Variants in FRMD4A observed in about 807,000 individuals in gnomAD.
The protein encoded by FRMD4A is FERM domain containing 4A.
In FRMD4A, 29 loss-of-function variants were observed where a neutral mutation model predicts 129.1. That is an observed-to-expected ratio of 0.22 (90% CI 0.17 to 0.31). The LOEUF (loss-of-function observed/expected upper bound fraction) is 0.31, where lower values mean the gene tolerates loss of function less well. Among genes scored for constraint, FRMD4A ranks in the 10% least tolerant of loss-of-function variants. The probability of loss-of-function intolerance (pLI) is 1.00; values close to 1 mark genes in which losing one functional copy is unlikely to be tolerated. For missense variants in FRMD4A, 1,272 were observed against 1,375.8 expected (o/e 0.92, Z 1.19); for synonymous variants, 634 against 571.6 (o/e 1.11, Z -1.56).
chr10:13,809,171 C>T (rs551922887), intron 4 of FRMD4A, among the ~76,000 whole-genome samples: 6 of 152,252 alleles, frequency 3.9e-5, no homozygotes, highest in Admixed American at 6.5e-5. Context: ...TACCTAGGTC[C>T]GATTCCTGCC....
intron 14 of FRMD4A, among the ~76,000 whole-genome samples, chr10:13,695,191 A>G (rs2086099955): frequency 6.6e-6 from 1 of 151,730 alleles, no homozygotes; most frequent in African/African-American, 2.4e-5. Context: ...CCCAGGCTGG[A>G]GTGCAGTGGC....
chr10:14,172,646 A>G (rs899931587), intron 2 of FRMD4A, among the ~76,000 whole-genome samples: 1 of 152,200 alleles, frequency 6.6e-6, no homozygotes, highest in Non-Finnish European at 1.5e-5. Flanking sequence ...CCATTCCCCA[A>G]AGCATTCAAA....
chr10:13,899,276 G>A (rs922722888), intron 2 of FRMD4A, among the ~76,000 whole-genome samples: 1 of 152,208 alleles, frequency 6.6e-6, no homozygotes, highest in East Asian at 1.9e-4. Flanking sequence ...AACTAACATT[G>A]TGGTGAGTAT....
chr10:13,826,244 G>C (rs1169007320), intron 3 of FRMD4A, among the ~76,000 whole-genome samples: 7 of 152,168 alleles, frequency 4.6e-5, no homozygotes, highest in South Asian at 2.1e-4. Context: ...GACCTTCTCT[G>C]ATCAGAATCT....
chr10:13,740,569 C>G lies in FRMD4A; in HGVS notation c.557G>C (p.Arg186Thr). 1.9e-6 allele frequency: 3 copies of G among 1,548,690 alleles called. No individual in the cohort carries two copies. The highest frequency in any genetic ancestry group is 2.7e-6 in the Non-Finnish European group (3 of 1,127,306). ...CAGTTTCTTGTAGTGCTCAATGACT[C>G]TGTCTTCACTGTAATTAGAAGAAAA... Reference protein sequence around the residue: ...EHPSLAYCEDRVIEHYKKLNG... With the variant: ...EHPSLAYCEDTVIEHYKKLNG... Residue 186 changes from arginine to threonine, a missense_variant, in exon 10 of 25, where the codon AGA becomes ACA. By Grantham distance (71) the Arg-to-Thr change is moderately conservative (BLOSUM62 -1). This residue lies in a region of FRMD4A where 300 missense variants were observed against 483.6 expected (regional missense o/e 0.62). Transcript: ENST00000357447.
chr10:13,670,577 G>A (rs370013067), intron 16 of FRMD4A, 49 bp from the exon 17 acceptor site: 29 of 1,598,914 alleles, frequency 1.8e-5, no homozygotes, highest in Middle Eastern at 3.3e-4. Context: ...AGAGTGGGGC[G>A]TGTCTGCTTC....
chr10:14,037,075 T>A (rs11819482), intron 2 of FRMD4A, among the ~76,000 whole-genome samples: 31,152 of 152,224 alleles, frequency 0.2, 3,697 homozygotes, highest in East Asian at 0.42. Flanking sequence ...TGGCAACCAC[T>A]TTTACATGCT....
chr10:14,009,457 C>T (rs2457837), intron 2 of FRMD4A, among the ~76,000 whole-genome samples: 57,031 of 152,038 alleles, frequency 0.38, 13,897 homozygotes, highest in African/African-American at 0.69. Flanking sequence ...GCTCTGGGCA[C>T]CAGCTTTGAG....
Position 14,225,472 on chromosome 10 carries a change from G to A in FRMD4A, c.45+104586C>T, listed in dbSNP as rs186964109. Among the ~76,000 whole-genome samples the A allele has an allele frequency of 2.6e-4, 39 of 152,294 alleles. No homozygotes were observed. The East Asian group carries it at 5.4e-3, about 21-fold the overall frequency. On this transcript the variant is annotated intron_variant, in intron 2 of 24. Coordinates refer to ENST00000357447, the MANE Select transcript of FRMD4A (RefSeq NM_018027.5). ...ACCGTGCCTTCATTTGCATGAAGTG[G>A]GTCATCTATGGAAACACAGTGAAAA...
chr10:13,857,624 C>A (rs114004332), intron 3 of FRMD4A, among the ~76,000 whole-genome samples: 2 of 152,118 alleles, frequency 1.3e-5, no homozygotes, highest in African/African-American at 4.8e-5. Context: ...CAACGCAAGA[C>A]GAAAGTGTCT....
At chr10:13,717,632 T>G (rs1462119586) in intron 12 of FRMD4A, among the ~76,000 whole-genome samples, 1 of 151,318 alleles carries the variant, frequency 6.6e-6, no homozygotes, top group East Asian at 1.9e-4. Context: ...TTTTTTTTTT[T>G]TTTTAATCAG....
chr10:13,840,873 C>T (rs1262408573), intron 3 of FRMD4A, among the ~76,000 whole-genome samples: 2 of 150,462 alleles, frequency 1.3e-5, no homozygotes, highest in African/African-American at 4.9e-5. Context: ...CTTTGGGAGG[C>T]CAAGGTGGGA....
chr10:13,970,970 A>C (rs1441760578), intron 2 of FRMD4A, among the ~76,000 whole-genome samples: 1 of 152,088 alleles, frequency 6.6e-6, no homozygotes, highest in Non-Finnish European at 1.5e-5. Flanking sequence ...CCACTATGTA[A>C]AGGAAAGGAG....
intron 3 of FRMD4A, among the ~76,000 whole-genome samples, chr10:13,836,492 C>G (rs1415423833): frequency 1.3e-5 from 2 of 152,094 alleles, no homozygotes; most frequent in African/African-American, 4.8e-5. Context: ...GGGGAGGAAA[C>G]AGAGAAACAG....
intron 2 of FRMD4A, among the ~76,000 whole-genome samples, chr10:14,327,447 G>A (rs7911548): frequency 6.6e-6 from 1 of 151,996 alleles, no homozygotes; most frequent in African/African-American, 2.4e-5. Flanking sequence ...AGGGAACCTA[G>A]ACATCAGAGA....
At chr10:14,208,825 G>A (rs865792231) in intron 2 of FRMD4A, among the ~76,000 whole-genome samples, 9 of 152,152 alleles carry the variant, frequency 5.9e-5, no homozygotes, top group Admixed American at 1.3e-4. Context: ...CGGATCCTTG[G>A]AAGATCCATA....
At chr10:14,087,937 CT>C (rs1836392282) in intron 2 of FRMD4A, among the ~76,000 whole-genome samples, 1 of 152,140 alleles carries the variant, frequency 6.6e-6, no homozygotes, top group African/African-American at 2.4e-5. Context: ...CTGCTGGATA[CT>C]AAAAAGCAAA....
intron 6 of FRMD4A, among the ~76,000 whole-genome samples, chr10:13,771,531 TCC>T (rs2092453802): frequency 6.6e-6 from 1 of 152,194 alleles, no homozygotes; most frequent in African/African-American, 2.4e-5. Context: ...AAATCCTTGC[TCC>T]CTTGGAAAGT....
At chr10:13,808,079 G>T (rs2093386267) in intron 4 of FRMD4A, among the ~76,000 whole-genome samples, 1 of 152,176 alleles carries the variant, frequency 6.6e-6, no homozygotes, top group South Asian at 2.1e-4. Flanking sequence ...GATTACAGGT[G>T]TGAGCCACCA....
Sources: allele counts gnomAD v4.1 joint callset (sites outside exome capture counted in the v4.1 genomes callset), GRCh38; gene constraint gnomAD v4.1.1; regional missense constraint gnomAD v4.1.1; transcripts MANE v1.5; gene names NCBI Gene and HGNC (gene_info 2026-07-23, HGNC 2026-07-21).